CNGA1: variants seen among roughly 807,000 people sequenced by gnomAD.
CNGA1 encodes cyclic nucleotide-gated channel alpha-1.
CNGA1 carries 53 observed loss-of-function variants against 69.7 expected under a neutral mutation model. The ratio of observed to expected loss-of-function variants is 0.76; its 90% CI spans 0.61 to 0.96. CNGA1 has a LOEUF of 0.96. CNGA1 is among the 40% of genes least tolerant of loss of function. The pLI is 0.00. For missense variants in CNGA1, 739 were observed against 811.2 expected (o/e 0.91, Z 1.08); for synonymous variants, 249 against 283.5 (o/e 0.88, Z 1.22).
At chr4:47,987,621 C>T (rs1232795789) in intron 2 of CNGA1, among the ~76,000 whole-genome samples, 1 of 150,454 alleles carries the variant, frequency 6.6e-6, no homozygotes, top group African/African-American at 2.4e-5. Context: ...TAATTTCTGC[C>T]CTTGTGGAGC....
chr4:47,938,998 A>G (rs1232279365), intron 10 of CNGA1, among the ~76,000 whole-genome samples: 1 of 151,248 alleles, frequency 6.6e-6, no homozygotes, highest in Non-Finnish European at 1.5e-5. Context: ...AGAAAGAGAA[A>G]GAAAGAAAGA....
At chr4:47,953,562 C>G (rs1013436909) in intron 3 of CNGA1, among the ~76,000 whole-genome samples, 2 of 152,124 alleles carry the variant, frequency 1.3e-5, no homozygotes, top group African/African-American at 4.8e-5. Flanking sequence ...TGCATATATA[C>G]CCAAGCAACA....
chr4:47,970,891 C>T (rs928530943), intron 3 of CNGA1: 1 of 453,488 alleles, frequency 2.2e-6, no homozygotes, highest in Admixed American at 2.4e-5. Flanking sequence ...TGTGGTGGCT[C>T]ACACCTGTAA....
At position 47,946,171 on chromosome 4, in the gene CNGA1, G is replaced by A. The variant is rs143998227; in HGVS notation, c.288-2759C>T. Among the ~76,000 whole-genome samples, 453 of 152,246 alleles carry A rather than the reference G, an allele frequency of 3.0e-3. 2 individuals are homozygous for A. The highest frequency in any genetic ancestry group is 0.01 in the African/African-American group (434 of 41,532). On this transcript the variant is annotated intron_variant, in intron 6 of 10. Transcript: ENST00000514170. ...CATCCTTAAAGACCTAATGCATGCA[G>A]GGGTGGTGATCGCTCTTCATTTCCC...
chr4:47,988,738 T>C (rs1742098138), intron 2 of CNGA1, among the ~76,000 whole-genome samples: 1 of 152,092 alleles, frequency 6.6e-6, no homozygotes, highest in Non-Finnish European at 1.5e-5. Context: ...CTCCTCAAAA[T>C]AGCTAATGTG....
At chr4:47,944,669 G>A (rs1219887526) in intron 6 of CNGA1, among the ~76,000 whole-genome samples, 2 of 152,188 alleles carry the variant, frequency 1.3e-5, no homozygotes, top group Non-Finnish European at 2.9e-5. Flanking sequence ...CTCAAAGGAT[G>A]CAAAAGTGAT....
intron 6 of CNGA1, among the ~76,000 whole-genome samples, chr4:47,947,651 CTGAG>C (rs990177211): frequency 6.6e-6 from 1 of 151,714 alleles, no homozygotes; most frequent in African/African-American, 2.4e-5. Flanking sequence ...GCACAGGCAA[CTGAG>C]TGAGTACCTG....
At chr4:47,939,800 T>TC (rs936818367) in intron 10 of CNGA1, among the ~76,000 whole-genome samples, 1 of 152,170 alleles carries the variant, frequency 6.6e-6, no homozygotes, top group Non-Finnish European at 1.5e-5. Context: ...TTGTTTTTTT[T>TC]CCCCACCGTA....
At chr4:47,939,022 AAGAAAGAAAG>A (rs1256773554) in intron 10 of CNGA1, among the ~76,000 whole-genome samples, 5 of 147,216 alleles carry the variant, frequency 3.4e-5, no homozygotes, top group African/African-American at 5.4e-5. Context: ...AGAAAGAAGA[AAGAAAGAAAG>A]AGAAAGAAAG....
At position 47,952,663 on chromosome 4, in the gene CNGA1, C is replaced by T. The variant is rs552039783; in HGVS notation, c.27G>A (p.Gln9=). The T allele has an allele frequency of 1.7e-5, 28 of 1,606,852 alleles. No individual in the cohort carries two copies. Among genetic ancestry groups the T allele is most frequent in the Non-Finnish European group, 2.2e-5 (26 of 1,175,102 alleles). The part of the protein sequence containing the change: MKNNIINT[Q]QSFVTMPNVI... ...CATTGGGCATGGTTACAAAAGACTG[C>T]TGTGTATTGATAATATTGTTCTTCA... The change falls in exon 4 of 11, where the codon CAG becomes CAA. Residue 9 remains glutamine (Q), a synonymous_variant. Coordinates refer to ENST00000514170, the MANE Select transcript of CNGA1 (RefSeq NM_001379270.1).
chr4:48,013,249 C>G (rs1238501552), intron 1 of CNGA1, among the ~76,000 whole-genome samples: 2 of 152,180 alleles, frequency 1.3e-5, no homozygotes, highest in African/African-American at 2.4e-5. Context: ...CTCAGAATCC[C>G]TCTGTGGTTA....
chr4:47,961,006 C>A (rs943182618), intron 3 of CNGA1, among the ~76,000 whole-genome samples: 4 of 152,034 alleles, frequency 2.6e-5, no homozygotes, highest in African/African-American at 7.2e-5. Flanking sequence ...TCAAATTGTA[C>A]CTTTAATATA....
At chr4:47,943,008 TC>T (rs1156505770) in intron 8 of CNGA1, 172 bp downstream of exon 8, 1 of 544,802 alleles carries the variant, frequency 1.8e-6, no homozygotes, top group African/African-American at 1.9e-5. Context: ...AAGTTTTAAT[TC>T]ACTTCTGATA....
intron 2 of CNGA1, among the ~76,000 whole-genome samples, chr4:48,003,536 AAAAT>A (rs1374925406): frequency 6.6e-6 from 1 of 152,242 alleles, no homozygotes. Context: ...AATAAAATAT[AAAAT>A]AAGAATAGTT....
intron 2 of CNGA1, among the ~76,000 whole-genome samples, chr4:47,989,795 C>A (rs1028044225): frequency 6.6e-6 from 1 of 151,620 alleles, no homozygotes; most frequent in Non-Finnish European, 1.5e-5. Context: ...TCCCTCACCC[C>A]CTTCCCACCC....
At chr4:47,994,608 G>A (rs1742405664) in intron 2 of CNGA1, among the ~76,000 whole-genome samples, 1 of 152,132 alleles carries the variant, frequency 6.6e-6, no homozygotes, top group Non-Finnish European at 1.5e-5. Flanking sequence ...GTTGGTTGGT[G>A]AATTCTTATC....
intron 2 of CNGA1, among the ~76,000 whole-genome samples, chr4:48,001,180 A>G (rs1025226561): frequency 1.3e-5 from 2 of 152,122 alleles, no homozygotes; most frequent in Admixed American, 1.3e-4. Context: ...AATAAATGTT[A>G]ATAGGCTGGG....
chr4:47,979,304 G>C (rs986766250), intron 3 of CNGA1, among the ~76,000 whole-genome samples: 4 of 123,950 alleles, frequency 3.2e-5, no homozygotes, highest in African/African-American at 1.3e-4. Context: ...CTGGGCAACA[G>C]AGCAACACTC....
intron 2 of CNGA1, among the ~76,000 whole-genome samples, chr4:48,008,099 GT>G (rs921574737): frequency 1.3e-4 from 20 of 151,858 alleles, no homozygotes; most frequent in Admixed American, 3.9e-4. Flanking sequence ...ATGTTTTTGG[GT>G]TTTTTTACAT....
Sources: allele counts gnomAD v4.1 joint callset (sites outside exome capture counted in the v4.1 genomes callset), GRCh38; gene constraint gnomAD v4.1.1; transcripts MANE v1.5; gene names NCBI Gene and HGNC (gene_info 2026-07-23, HGNC 2026-07-21).